MAD1L1: variants seen among roughly 807,000 people sequenced by gnomAD.
MAD1L1 encodes the protein mitotic spindle assembly checkpoint protein MAD1.
In MAD1L1, 95 loss-of-function variants were observed where a neutral mutation model predicts 96.9. The ratio of observed to expected loss-of-function variants is 0.98; its 90% CI spans 0.83 to 1.16. The LOEUF (loss-of-function observed/expected upper bound fraction) is 1.16. Ranked by LOEUF, MAD1L1 falls within the 50% of genes most tolerant of loss-of-function variation. The probability of loss-of-function intolerance (pLI) is 0.00; values close to 1 mark genes in which losing one functional copy is unlikely to be tolerated. For synonymous variants in MAD1L1, 473 were observed against 396.6 expected (o/e 1.19, Z -2.29); for missense variants, 1,007 against 954.4 (o/e 1.06, Z -0.73).
chr7:2,174,312 C>T (rs1435441772), intron 10 of MAD1L1, among the ~76,000 whole-genome samples: 1 of 152,180 alleles, frequency 6.6e-6, no homozygotes, highest in Non-Finnish European at 1.5e-5. Flanking sequence ...ATCCTGATTC[C>T]CGCTTCGTAT....
chr7:1,852,869 G>A (rs1423839245), intron 18 of MAD1L1, among the ~76,000 whole-genome samples: 1 of 152,198 alleles, frequency 6.6e-6, no homozygotes, highest in Non-Finnish European at 1.5e-5. Context: ...CACGTGCTGA[G>A]CCTGGAAGGG....
rs1020104317 is a variant in MAD1L1, at chr7:2,119,794, A to G, written c.1073+29358T>C. On this transcript the variant is annotated intron_variant, in intron 11 of 18. Coordinates refer to ENST00000265854, the MANE Select transcript of MAD1L1 (RefSeq NM_001013836.2). The surrounding 1 kb of genome is among the most constrained non-coding windows in gnomAD (Gnocchi z 4.6). Reference sequence around the variant, plus strand: ...CAGCTCACACAGATGGCAGCCACACACGTCCCACGACAACTGTTCCAGACC... The same window carrying G: ...CAGCTCACACAGATGGCAGCCACACGCGTCCCACGACAACTGTTCCAGACC... Among the ~76,000 whole-genome samples the G allele has an allele frequency of 1.3e-5, 2 of 152,146 alleles. No individual in the cohort carries two copies. Among genetic ancestry groups the G allele is most frequent in the Admixed American group, 6.5e-5 (1 of 15,282 alleles).
In MAD1L1 at chr7:1,841,341, C is replaced by T. The variant is rs146104738; in HGVS notation, c.1999-25113G>A. Among the ~76,000 whole-genome samples, 940 of 152,358 alleles carry T rather than the reference C, an allele frequency of 6.2e-3. 9 individuals are homozygous for T. Among genetic ancestry groups the T allele is most frequent in the African/African-American group, 0.021 (890 of 41,578 alleles). On this transcript the variant is annotated intron_variant, in intron 18 of 18. Transcript: ENST00000265854. ...CATCTGATGCCTCCCTGGGCTGAAG[C>T]TGCATCTCATGAAACAGACGAGAAG...
At chr7:1,848,744 T>G (rs1027097728) in intron 18 of MAD1L1, 4 of 154,400 alleles carry the variant, frequency 2.6e-5, no homozygotes, top group African/African-American at 7.2e-5. Flanking sequence ...AGATGTCACT[T>G]AATTCTGAGT....
intron 11 of MAD1L1, among the ~76,000 whole-genome samples, chr7:2,077,605 G>A (rs552109004): frequency 2.6e-5 from 4 of 152,346 alleles, no homozygotes; most frequent in South Asian, 4.1e-4. Flanking sequence ...GGAGGGCTGC[G>A]ACCCAGCGGG....
chr7:2,059,858 TA>T (rs1784561711), intron 12 of MAD1L1, among the ~76,000 whole-genome samples: 1 of 152,018 alleles, frequency 6.6e-6, no homozygotes, highest in Non-Finnish European at 1.5e-5. Context: ...AACACATACA[TA>T]GAAGATCAAA....
At chr7:1,913,891 C>T (rs1298334907) in intron 17 of MAD1L1, among the ~76,000 whole-genome samples, 1 of 152,164 alleles carries the variant, frequency 6.6e-6, no homozygotes, top group East Asian at 1.9e-4. Context: ...GTCATGCCCC[C>T]TCACAGTTCC....
At chr7:1,832,085 G>C (rs1368755286) in intron 18 of MAD1L1, among the ~76,000 whole-genome samples, 5 of 152,066 alleles carry the variant, frequency 3.3e-5, no homozygotes, top group Admixed American at 1.3e-4. Context: ...AATGAATCTG[G>C]GCAAAGTCAA....
At chr7:2,014,034 G>T (rs555904003) in intron 13 of MAD1L1, among the ~76,000 whole-genome samples, 1 of 152,280 alleles carries the variant, frequency 6.6e-6, no homozygotes, top group South Asian at 2.1e-4. Flanking sequence ...ACCTCTCCCA[G>T]TTCCACAGGG....
At chr7:1,948,358 G>T (rs746533500) in intron 16 of MAD1L1, among the ~76,000 whole-genome samples, 128 of 145,408 alleles carry the variant, frequency 8.8e-4, no homozygotes, top group Non-Finnish European at 1.5e-3. Context: ...TATAGCCTCC[G>T]CTCAGGGCCC....
intron 12 of MAD1L1, among the ~76,000 whole-genome samples, chr7:2,028,152 G>A (rs557428344): frequency 1.1e-4 from 17 of 152,180 alleles, no homozygotes; most frequent in South Asian, 2.1e-4. Context: ...AAGGCCGGGC[G>A]CGGTGACTCA....
intron 11 of MAD1L1, among the ~76,000 whole-genome samples, chr7:2,136,123 A>T (rs1442070776): frequency 6.6e-6 from 1 of 152,180 alleles, no homozygotes; most frequent in African/African-American, 2.4e-5. Flanking sequence ...TGCCTGTCAC[A>T]GCCACGTCCA....
At chr7:2,051,642 A>G (rs867038382) in intron 12 of MAD1L1, among the ~76,000 whole-genome samples, 1 of 74,394 alleles carries the variant, frequency 1.3e-5, no homozygotes, top group African/African-American at 5.2e-5. Flanking sequence ...CACCTCCCCC[A>G]CCCCCCCACC....
chr7:2,027,310 A>T (rs1783035189), intron 12 of MAD1L1, among the ~76,000 whole-genome samples: 1 of 152,192 alleles, frequency 6.6e-6, no homozygotes, highest in Admixed American at 6.5e-5. Flanking sequence ...AACCTTATAA[A>T]ACGATTACAG....
At chr7:2,102,460 TCAC>T (rs1016707674) in intron 11 of MAD1L1, among the ~76,000 whole-genome samples, 14 of 130,704 alleles carry the variant, frequency 1.1e-4, no homozygotes, top group African/African-American at 3.9e-4. Context: ...CTGTCACCAC[TCAC>T]CACCACTGCT....
intron 10 of MAD1L1, among the ~76,000 whole-genome samples, chr7:2,173,459 T>TC (rs1266466214): frequency 6.6e-6 from 1 of 152,220 alleles, no homozygotes; most frequent in Non-Finnish European, 1.5e-5. Flanking sequence ...ACTTTGTGCT[T>TC]CCCCTCAAGC....
At chr7:2,047,956 G>A (rs1033438757) in intron 12 of MAD1L1, among the ~76,000 whole-genome samples, 4 of 151,992 alleles carry the variant, frequency 2.6e-5, no homozygotes, top group African/African-American at 9.7e-5. Context: ...CAAAGCACAC[G>A]TGCACACTCA....
At chr7:1,836,225 T>C (rs769822201) in intron 18 of MAD1L1, among the ~76,000 whole-genome samples, 1 of 152,156 alleles carries the variant, frequency 6.6e-6, no homozygotes, top group Middle Eastern at 3.4e-3. Flanking sequence ...TTTTACCATG[T>C]TGGTCAGGCT....
chr7:2,150,944 A>T (rs779944229), intron 10 of MAD1L1, among the ~76,000 whole-genome samples: 1 of 152,240 alleles, frequency 6.6e-6, no homozygotes, highest in Non-Finnish European at 1.5e-5. Flanking sequence ...TCACACACAC[A>T]GGCAAACCGG....
Sources: allele counts gnomAD v4.1 joint callset (sites outside exome capture counted in the v4.1 genomes callset), GRCh38; gene constraint gnomAD v4.1.1; non-coding constraint Gnocchi (gnomAD v3.1); transcripts MANE v1.5; gene names NCBI Gene and HGNC (gene_info 2026-07-23, HGNC 2026-07-21).